Variants in SMPD3 observed in about 807,000 individuals in gnomAD.
SMPD3 encodes nSMase-2.
A neutral mutation model predicts 55.7 loss-of-function variants in SMPD3; 21 were observed. That is an observed-to-expected ratio of 0.38 (90% CI 0.27 to 0.54). SMPD3 has a LOEUF of 0.54. Ranked by LOEUF, SMPD3 falls within the 20% of genes least tolerant of loss-of-function variation. The pLI, the probability that SMPD3 is intolerant of heterozygous loss-of-function variation, is 0.80. For missense variants in SMPD3, 842 were observed against 899.6 expected (o/e 0.94, Z 0.82); for synonymous variants, 457 against 404.3 (o/e 1.13, Z -1.56).
intron 3 of SMPD3, among the ~76,000 whole-genome samples, chr16:68,366,344 A>G (rs2089477866): frequency 6.6e-6 from 1 of 152,128 alleles, no homozygotes; most frequent in African/African-American, 2.4e-5. Context: ...GGCTTTCTAC[A>G]GCTCTTCATC....
chr16:68,361,545 G>A, intron 8 of SMPD3, 58 bp downstream of exon 8: 2 of 1,586,168 alleles, frequency 1.3e-6, no homozygotes, highest in Non-Finnish European at 1.7e-6. Flanking sequence ...GAGAGCTGCA[G>A]GGCCCGGGCC....
Position 68,440,039 on chromosome 16 carries a change from G to A in SMPD3, c.-269+8314C>T, listed in dbSNP as rs568268108. 3.3e-5 allele frequency among the ~76,000 whole-genome samples: 5 copies of A among 152,280 alleles called. No individual in the cohort carries two copies. The South Asian group carries it at 8.3e-4, about 25-fold the overall frequency. ...AGAAGAACATGAAAGATTGTGTAGAGTGTGCCCAAAGTTACTGATATCCTA... is the reference window on the plus strand; with the variant it reads ...AGAAGAACATGAAAGATTGTGTAGAATGTGCCCAAAGTTACTGATATCCTA... On this transcript the variant is annotated intron_variant, in intron 1 of 8. Coordinates refer to ENST00000219334, the MANE Select transcript of SMPD3 (RefSeq NM_018667.4).
intron 1 of SMPD3, among the ~76,000 whole-genome samples, chr16:68,397,614 A>G (rs2090169679): frequency 6.6e-6 from 1 of 152,158 alleles, no homozygotes; most frequent in African/African-American, 2.4e-5. Flanking sequence ...CATGCCCCAC[A>G]TCTGCCTCCT....
chr16:68,443,081 CTT>C (rs1171292645), intron 1 of SMPD3, among the ~76,000 whole-genome samples: 1 of 152,218 alleles, frequency 6.6e-6, no homozygotes, highest in Non-Finnish European at 1.5e-5. Flanking sequence ...TTTCTACCCT[CTT>C]TAGACATCCA....
intron 2 of SMPD3, among the ~76,000 whole-genome samples, chr16:68,373,847 C>G (rs1023166256): frequency 1.5e-4 from 23 of 152,208 alleles, no homozygotes; most frequent in Non-Finnish European, 3.4e-4. Flanking sequence ...GCCCCCTCCC[C>G]TGGACGCCCG....
In SMPD3 at chr16:68,370,925, G is replaced by A; in HGVS notation, c.1257C>T (p.Ala419=). The A allele has an allele frequency of 6.2e-7, 1 of 1,614,190 alleles. No homozygotes were observed. The highest frequency in any genetic ancestry group is 8.5e-7 in the Non-Finnish European group (1 of 1,180,034). ...FASRYPIMDV[A]YHCYPNKCND... ...TACACTTGTTGGGGTAACAGTGATA[G>A]GCCACGTCCATGATGGGGTAGCGGC... The change falls in exon 3 of 9, where the codon GCC becomes GCT. Residue 419 remains alanine (A), a synonymous_variant. Coordinates refer to ENST00000219334, the MANE Select transcript of SMPD3 (RefSeq NM_018667.4).
In SMPD3 at chr16:68,447,086, C is replaced by A. The variant is rs1447238345; in HGVS notation, c.-269+1267G>T. 1.3e-5 allele frequency among the ~76,000 whole-genome samples: 2 copies of A among 151,868 alleles called. No individual in the cohort carries two copies. Among genetic ancestry groups the A allele is most frequent in the African/African-American group, 2.4e-5 (1 of 41,386 alleles). Reference sequence around the variant, plus strand: ...CTGCCCGCGCCGCGCCCGAAGCCCCCCCTCCGCGGCCGCGCCCCCCGCCCA... The same window carrying A: ...CTGCCCGCGCCGCGCCCGAAGCCCCACCTCCGCGGCCGCGCCCCCCGCCCA... On this transcript the variant is annotated intron_variant, in intron 1 of 8. Transcript: ENST00000219334. The surrounding 1 kb of genome is among the most constrained non-coding windows in gnomAD (Gnocchi z 5.1).
At chr16:68,444,804 C>G (rs1277655638) in intron 1 of SMPD3, among the ~76,000 whole-genome samples, 1 of 152,204 alleles carries the variant, frequency 6.6e-6, no homozygotes, top group Non-Finnish European at 1.5e-5. Context: ...TTTTCACTCT[C>G]CAATGCAGAA....
intron 3 of SMPD3, among the ~76,000 whole-genome samples, chr16:68,370,655 C>T (rs2089633695): frequency 6.6e-6 from 1 of 152,126 alleles, no homozygotes; most frequent in Admixed American, 6.5e-5. Flanking sequence ...CCCAGAGCCT[C>T]GGTGCTCATC....
At chr16:68,444,888 T>G (rs1440471257) in intron 1 of SMPD3, among the ~76,000 whole-genome samples, 1 of 152,252 alleles carries the variant, frequency 6.6e-6, no homozygotes. Flanking sequence ...TTTATGATAC[T>G]GAGTCACATA....
At chr16:68,402,157 A>T (rs73555295) in intron 1 of SMPD3, among the ~76,000 whole-genome samples, 267 of 152,304 alleles carry the variant, frequency 1.8e-3, no homozygotes, top group African/African-American at 5.7e-3. Context: ...ATAAGGTCTA[A>T]TTCTTAGAAT....
At chr16:68,365,581 C>T (rs1172618785) in intron 3 of SMPD3, among the ~76,000 whole-genome samples, 2 of 152,176 alleles carry the variant, frequency 1.3e-5, no homozygotes, top group African/African-American at 4.8e-5. Context: ...GCAAGAGGCC[C>T]AGACCCTGCC....
At chr16:68,391,805 A>T (rs921313343) in intron 1 of SMPD3, among the ~76,000 whole-genome samples, 1 of 152,234 alleles carries the variant, frequency 6.6e-6, no homozygotes, top group Admixed American at 6.5e-5. Context: ...CCCTAAACCC[A>T]CTGTGTGGCT....
chr16:68,396,234 A>G (rs1267832225), intron 1 of SMPD3, among the ~76,000 whole-genome samples: 3 of 152,118 alleles, frequency 2.0e-5, no homozygotes, highest in Non-Finnish European at 1.5e-5. Flanking sequence ...GATCCCCACC[A>G]GCAGCAGCTC....
chr16:68,425,971 C>T (rs1166107762), intron 1 of SMPD3, among the ~76,000 whole-genome samples: 2 of 152,172 alleles, frequency 1.3e-5, no homozygotes, highest in African/African-American at 4.8e-5. Flanking sequence ...TAAGGGAGCA[C>T]TGAGAGTGGA....
chr16:68,417,869 G>A (rs2090351717), intron 1 of SMPD3, among the ~76,000 whole-genome samples: 1 of 152,186 alleles, frequency 6.6e-6, no homozygotes, highest in Non-Finnish European at 1.5e-5. Context: ...AGACAGACCT[G>A]TCTGCCGGTT....
At position 68,371,717 on chromosome 16, in the gene SMPD3, C is replaced by G; in HGVS notation, c.465G>C (p.Gly155=). 1 of 1,592,180 alleles carries G rather than the reference C, an allele frequency of 6.3e-7. No homozygotes were observed. Among genetic ancestry groups the G allele is most frequent in the Non-Finnish European group, 8.6e-7 (1 of 1,167,668 alleles). Residue 155 remains glycine, a synonymous_variant, in exon 3 of 9, where the codon GGG becomes GGC. Coordinates refer to ENST00000219334, the MANE Select transcript of SMPD3 (RefSeq NM_018667.4). ...FNTQARAKEI[G]QRIRNGAARP... ...GGGCGGCCCCATTGCGGATTCTCTG[C>G]CCGATCTCCTTGGCCCGCGCTTGGG... is the stretch of plus-strand genomic sequence containing the variant.
intron 1 of SMPD3, among the ~76,000 whole-genome samples, chr16:68,399,604 C>A (rs1261212960): frequency 3.3e-5 from 5 of 152,188 alleles, no homozygotes. Flanking sequence ...GAGGCCCAGG[C>A]TCCCTAGAGG....
chr16:68,392,835 G>GGAAAAA (rs527930943), intron 1 of SMPD3, among the ~76,000 whole-genome samples: 4 of 88,270 alleles, frequency 4.5e-5, no homozygotes, highest in African/African-American at 2.0e-4. Flanking sequence ...CGCTGTCTGG[G>GGAAAAA]AAAAAAAAAA....
Sources: allele counts gnomAD v4.1 joint callset (sites outside exome capture counted in the v4.1 genomes callset), GRCh38; gene constraint gnomAD v4.1.1; non-coding constraint Gnocchi (gnomAD v3.1); transcripts MANE v1.5; gene names NCBI Gene and HGNC (gene_info 2026-07-23, HGNC 2026-07-21).